TPRG1: variants seen among roughly 807,000 people sequenced by gnomAD.
The protein encoded by TPRG1 is tumor protein p63-regulated gene 1 protein.
In TPRG1, 29 loss-of-function variants were observed where a neutral mutation model predicts 29.3. The observed-to-expected ratio is 0.99, with a 90% CI of 0.74 to 1.35. The LOEUF (loss-of-function observed/expected upper bound fraction) is 1.35, where lower values mean the gene tolerates loss of function less well. TPRG1 is among the 40% of genes most tolerant of loss of function. The pLI is 0.00. For missense variants in TPRG1, 327 were observed against 335.0 expected (o/e 0.98, Z 0.19); for synonymous variants, 130 against 116.8 (o/e 1.11, Z -0.73).
rs189041137 is a variant in TPRG1 at position 189,113,191 on chromosome 3, G to A, written c.-744+12987G>A. 2.6e-5 allele frequency among the ~76,000 whole-genome samples: 4 copies of A among 152,294 alleles called. No homozygotes were observed. The South Asian group carries it at 6.2e-4, about 24-fold the overall frequency. ...GGCTCTCTGTTTGTCTGTTATTGGT[G>A]TATAAGAATCCTTGTGATTTTTGTA... On this transcript the variant is annotated intron_variant, in intron 1 of 6. Coordinates refer to the TPRG1 transcript ENST00000412373.
chr3:189,007,348 T>C (rs1439589737), intron 3 of TPRG1, among the ~76,000 whole-genome samples: 2 of 152,076 alleles, frequency 1.3e-5, no homozygotes, highest in Admixed American at 6.6e-5. Flanking sequence ...CACAGTGAGA[T>C]ACCATCTCAC....
At chr3:188,998,075 T>G (rs1213693299) in intron 1 of TPRG1, among the ~76,000 whole-genome samples, 6 of 152,288 alleles carry the variant, frequency 3.9e-5, no homozygotes, top group African/African-American at 1.4e-4. Flanking sequence ...GGCACGATTT[T>G]AGGTGCTGGG....
chr3:189,035,832 T>A (rs1392886090), intron 4 of TPRG1, among the ~76,000 whole-genome samples: 2 of 152,120 alleles, frequency 1.3e-5, no homozygotes, highest in East Asian at 3.9e-4. Flanking sequence ...GGAATGTAAA[T>A]TAGTGCATCT....
At chr3:189,047,322 T>G (rs1715042473) in intron 4 of TPRG1, among the ~76,000 whole-genome samples, 1 of 152,238 alleles carries the variant, frequency 6.6e-6, no homozygotes. Context: ...TATAGTCTAT[T>G]AAGTGTACAA....
At chr3:189,135,761 C>T (rs1204356972) in intron 3 of TPRG1, among the ~76,000 whole-genome samples, 2 of 152,220 alleles carry the variant, frequency 1.3e-5, no homozygotes, top group African/African-American at 4.8e-5. Flanking sequence ...CTAGTCTAGC[C>T]TTTCCAGATG....
intron 5 of TPRG1, among the ~76,000 whole-genome samples, chr3:189,161,875 G>T (rs75376509): frequency 6.6e-6 from 1 of 152,200 alleles, no homozygotes; most frequent in Non-Finnish European, 1.5e-5. Context: ...AATAGTGGAG[G>T]TGTGAAGAGA....
At chr3:189,246,805 A>T (rs951441924) in intron 4 of TPRG1, among the ~76,000 whole-genome samples, 5 of 152,156 alleles carry the variant, frequency 3.3e-5, no homozygotes, top group African/African-American at 1.2e-4. Context: ...CAGAACTTTC[A>T]AGACGTTGTT....
At chr3:189,052,928 T>TG (rs903354127) in intron 4 of TPRG1, among the ~76,000 whole-genome samples, 2 of 151,998 alleles carry the variant, frequency 1.3e-5, no homozygotes, top group Non-Finnish European at 1.5e-5. Context: ...TTTGGGGACT[T>TG]GGGGGGAAGA....
intron 4 of TPRG1, among the ~76,000 whole-genome samples, chr3:189,081,390 A>T (rs1295297245): frequency 6.6e-6 from 1 of 152,204 alleles, no homozygotes; most frequent in Non-Finnish European, 1.5e-5. Flanking sequence ...AGGCAGAAAG[A>T]TGGGTAGAGT....
At chr3:189,193,465 T>G (rs1732034204) in intron 1 of TPRG1, among the ~76,000 whole-genome samples, 1 of 152,126 alleles carries the variant, frequency 6.6e-6, no homozygotes, top group Non-Finnish European at 1.5e-5. Flanking sequence ...TCCCCAGACT[T>G]GGGAAGCTTT....
chr3:189,056,076 C>A (rs1269719743), intron 4 of TPRG1, among the ~76,000 whole-genome samples: 1 of 126,990 alleles, frequency 7.9e-6, no homozygotes, highest in Non-Finnish European at 1.6e-5. Context: ...TTCCTTCCTT[C>A]CTTCCTTCCT....
intron 4 of TPRG1, among the ~76,000 whole-genome samples, chr3:189,046,646 T>A (rs1241137299): frequency 6.6e-6 from 1 of 152,212 alleles, no homozygotes; most frequent in African/African-American, 2.4e-5. Flanking sequence ...GGATTCTTTT[T>A]AAAAAGTTTT....
intron 3 of TPRG1, among the ~76,000 whole-genome samples, chr3:189,013,173 C>G (rs1292261478): frequency 6.6e-6 from 1 of 152,112 alleles, no homozygotes; most frequent in Non-Finnish European, 1.5e-5. Flanking sequence ...AAATTTCCCT[C>G]TTTTCACTGC....
chr3:189,147,811 G>C (rs1027488385), intron 4 of TPRG1, among the ~76,000 whole-genome samples: 1 of 152,168 alleles, frequency 6.6e-6, no homozygotes, highest in East Asian at 1.9e-4. Flanking sequence ...CTTGTTGCTT[G>C]AGTCTGGCAG....
chr3:189,066,108 A>C (rs1468232018), intron 4 of TPRG1, among the ~76,000 whole-genome samples: 1 of 152,182 alleles, frequency 6.6e-6, no homozygotes, highest in African/African-American at 2.4e-5. Flanking sequence ...CAGCCTACCA[A>C]GTTTAAGCCA....
At position 189,142,171 on chromosome 3, in the gene TPRG1, C is replaced by T. The variant is rs542580019; in HGVS notation, c.-290-5413C>T. Reference sequence around the variant, plus strand: ...CAGGACGGGCAGCACGTACAGAGGACGCGTCCAGGTCTGGGAGAAGCTCCT... The same window carrying T: ...CAGGACGGGCAGCACGTACAGAGGATGCGTCCAGGTCTGGGAGAAGCTCCT... On this transcript the variant is annotated intron_variant, in intron 3 of 6. Transcript: ENST00000412373. 1.8e-4 allele frequency among the ~76,000 whole-genome samples: 28 copies of T among 152,214 alleles called. No individual in the cohort carries two copies. In the East Asian group the frequency reaches 2.1e-3, roughly 12 times the overall value.
At position 189,032,931 on chromosome 3, in the gene TPRG1, C is replaced by T. The variant is rs577426844; in HGVS notation, c.-463+8985C>T. On this transcript the variant is annotated intron_variant, in intron 4 of 10. Transcript: ENST00000433971. ...GTCCCTACAAAGGACATGAACTCAT[C>T]ATTTTTTATGGCTGCATACTATTCC... Among the ~76,000 whole-genome samples the T allele has an allele frequency of 4.6e-5, 7 of 152,078 alleles. No homozygotes were observed. In the South Asian group the frequency reaches 1.5e-3, roughly 32 times the overall value.
intron 3 of TPRG1, among the ~76,000 whole-genome samples, chr3:189,232,263 ATGAATAAATACTCC>A (rs955046604): frequency 2.6e-5 from 4 of 152,216 alleles, no homozygotes; most frequent in Admixed American, 6.5e-5. Flanking sequence ...TGTTAACAAA[ATGAATAAATACTCC>A]TGAATAAATA....
At chr3:189,262,185 A>G (rs1378638965) in intron 4 of TPRG1, among the ~76,000 whole-genome samples, 1 of 146,486 alleles carries the variant, frequency 6.8e-6, no homozygotes, top group African/African-American at 2.6e-5. Flanking sequence ...AAAAGAGAGC[A>G]TGGGTCTGAG....
Sources: gnomAD v4.1 joint callset for allele counts (sites outside exome capture counted in the v4.1 genomes callset) on GRCh38, gnomAD v4.1.1 for gene constraint, MANE v1.5 for transcripts, NCBI Gene and HGNC (gene_info 2026-07-23, HGNC 2026-07-21) for gene names.